Variants in AP3B2 observed in about 807,000 individuals in gnomAD.
AP3B2 encodes the protein AP-3 complex subunit beta-2.
In AP3B2, 50 loss-of-function variants were observed where a neutral mutation model predicts 126.9. That is an observed-to-expected ratio of 0.39 (90% CI 0.31 to 0.50). The LOEUF (loss-of-function observed/expected upper bound fraction) is 0.50. Among genes scored for constraint, AP3B2 ranks in the 20% least tolerant of loss-of-function variants. The pLI is 0.79. For missense variants in AP3B2, 1,177 were observed against 1,426.4 expected, an observed-to-expected ratio of 0.83 and a Z score of 2.82; for synonymous variants, 541 against 565.0, an observed-to-expected ratio of 0.96 and a Z score of 0.60.
chr15:82,679,745 T>G lies in AP3B2; in HGVS notation c.1166A>C (p.Gln389Pro). 6.2e-7 allele frequency: 1 copy of G among 1,613,856 alleles called. No individual in the cohort carries two copies. Among genetic ancestry groups the G allele is most frequent in the Non-Finnish European group, 8.5e-7 (1 of 1,179,790 alleles). The change falls in exon 10 of 27, where the codon CAG becomes CCG. Residue 389 changes from glutamine (Q) to proline (P), a missense_variant. Coordinates refer to ENST00000535359, the MANE Select transcript of AP3B2 (RefSeq NM_001278512.2). ...SFYIRSTDPT[Q>P]IKILKLEVLT... ...CTCACTCACCTTCAGGATCTTAATC[T>G]GGGTGGGGTCGGTGGACCTGATGTA...
chr15:82,683,436 G>A (rs1490337242), intron 4 of AP3B2, among the ~76,000 whole-genome samples: 1 of 152,154 alleles, frequency 6.6e-6, no homozygotes, highest in Non-Finnish European at 1.5e-5. Flanking sequence ...TCATGAGATT[G>A]CAGCAATTCA....
chr15:82,676,757 T>G, intron 13 of AP3B2, 120 bp from the exon 14 acceptor site: 1 of 1,004,434 alleles, frequency 1.0e-6, no homozygotes, highest in Non-Finnish European at 1.4e-6. Flanking sequence ...ATGGGTTCTC[T>G]GGAAATGGGA....
chr15:82,689,880 A>C (rs2048495588), intron 1 of AP3B2: 1 of 169,852 alleles, frequency 5.9e-6, no homozygotes, highest in African/African-American at 2.4e-5. Context: ...AGACGGGAGG[A>C]TCACTTGAGC....
intron 1 of AP3B2, chr15:82,692,327 A>G: frequency 1.7e-6 from 1 of 577,838 alleles, no homozygotes; most frequent in Non-Finnish European, 3.0e-6. Flanking sequence ...AAGGCTCACC[A>G]CGCAGATGCG....
At position 82,663,858 on chromosome 15, in the gene AP3B2, C is replaced by T. The variant is rs1284343563; in HGVS notation, c.2379G>A (p.Glu793=). ...GCTCCTCCTCGGACTCCGATGTCAT[C>T]TCGGACTCTGATGAGCTACTGCTGG... ...SDSSSSSSES[E]MTSESEEEQL... is the part of the protein sequence containing the mutation. The change falls in exon 20 of 27, where the codon GAG becomes GAA. Residue 793 remains glutamate (E), a synonymous_variant. Transcript: ENST00000535359. 1.2e-6 allele frequency: 2 copies of T among 1,613,954 alleles called. No individual in the cohort carries two copies. The highest frequency in any genetic ancestry group is 8.5e-7 in the Non-Finnish European group (1 of 1,179,876).
chr15:82,663,794 CT>C lies in AP3B2; in HGVS notation c.2436+6del. On this transcript the variant is annotated splice_donor_region_variant and intron_variant, in intron 20 of 26. Transcript: ENST00000535359. Reference sequence around the variant, plus strand: ...AGCACACCCTGACTCTGCCCCAAGGCTCTCACTGTTTTCCTGCTCCAGGAGG... The same window carrying C: ...AGCACACCCTGACTCTGCCCCAAGGCCTCACTGTTTTCCTGCTCCAGGAGG... The C allele has an allele frequency of 6.2e-7, 1 of 1,610,914 alleles. No individual in the cohort carries two copies. The highest frequency in any genetic ancestry group is 8.5e-7 in the Non-Finnish European group (1 of 1,178,156).
At chr15:82,682,041 CCCTT>C (rs1458377656) in intron 4 of AP3B2, among the ~76,000 whole-genome samples, 1 of 138,346 alleles carries the variant, frequency 7.2e-6, no homozygotes, top group Non-Finnish European at 1.5e-5. Flanking sequence ...GGGGTGTAGG[CCCTT>C]CCTTTTTTTT....
rs2048323852 is a variant in AP3B2 at position 82,680,716 on chromosome 15, C to A, written c.811G>T (p.Gly271Cys). Residue 271 changes from glycine to cysteine, a missense_variant, in exon 8 of 27, where the codon GGC (glycine) becomes TGC (cysteine). Physicochemically the swap from Gly to Cys is radical, Grantham distance 159. Coordinates refer to ENST00000535359, the MANE Select transcript of AP3B2 (RefSeq NM_001278512.2). The surrounding 1 kb of genome is among the most constrained non-coding windows in gnomAD (Gnocchi z 6.1). ...CCCTTGGCCTCGTCCTCCTCTGAGC[C>A]GTAGAAGGCTTTTTCCGCGTTCTCC... ...LEENAEKAFY[G>C]SEEDEAKGAG... 1 of 1,567,090 alleles carries A rather than the reference C, an allele frequency of 6.4e-7. No homozygotes were observed.
chr15:82,702,271 A>C (rs1466191393), intron 1 of AP3B2, among the ~76,000 whole-genome samples: 1 of 152,204 alleles, frequency 6.6e-6, no homozygotes, highest in Admixed American at 6.5e-5. Flanking sequence ...AGCTGGGCTC[A>C]ACATTAATTT....
At position 82,661,831 on chromosome 15, in the gene AP3B2, CCTT is replaced by C. The variant is rs779821021; in HGVS notation, c.3007_3009del (p.Lys1003del). On this transcript the variant is annotated inframe_deletion, in exon 25 of 27. Coordinates refer to ENST00000535359, the MANE Select transcript of AP3B2 (RefSeq NM_001278512.2). ...ACTCCCAGGGAGCACTCACCCTGTT[CCTT>C]CTTAAACTCATTTTCACTCATGAAC... 10 of 1,612,538 alleles carry C rather than the reference CCTT, an allele frequency of 6.2e-6. No individual in the cohort carries two copies. Among genetic ancestry groups the C allele is most frequent in the Non-Finnish European group, 7.6e-6 (9 of 1,179,306 alleles).
chr15:82,662,001 G>T, intron 24 of AP3B2, 79 bp from the exon 25 acceptor site: 1 of 1,419,284 alleles, frequency 7.0e-7, no homozygotes, highest in Non-Finnish European at 9.8e-7. Flanking sequence ...TAGAGGCACA[G>T]CTTGGAGGCA....
chr15:82,680,154 A>G lies in AP3B2; in HGVS notation c.1110+21T>C, dbSNP rs773161761. The G allele has an allele frequency of 6.2e-7, 1 of 1,612,794 alleles. No homozygotes were observed. Among genetic ancestry groups the G allele is most frequent in the Non-Finnish European group, 8.5e-7 (1 of 1,179,732 alleles). On this transcript the variant is annotated intron_variant, in intron 9 of 26. Coordinates refer to ENST00000535359, the MANE Select transcript of AP3B2 (RefSeq NM_001278512.2). This position sits in a 1 kb window ranked among gnomAD's most constrained non-coding sequence, Gnocchi z 6.1. ...GAAGCGGCCCTCGGACAGCGAGGACAGCCCGCCGTCGCAGGCTCACCCGGC... is the reference window on the plus strand; with the variant it reads ...GAAGCGGCCCTCGGACAGCGAGGACGGCCCGCCGTCGCAGGCTCACCCGGC...
rs536747285 is a variant in AP3B2, at chr15:82,684,663, T to A, written c.361-3083A>T. Among the ~76,000 whole-genome samples, 3 of 152,294 alleles carry A rather than the reference T, an allele frequency of 2.0e-5. No individual in the cohort carries two copies. The East Asian group carries it at 5.8e-4, about 29-fold the overall frequency. On this transcript the variant is annotated intron_variant, in intron 4 of 26. Transcript: ENST00000535359. ...CCAAGTAGCTAAGACTACAGGTGCG[T>A]ACCACCACATCAGGCTAACTTAAAA...
chr15:82,705,595 A>G (rs957807998), intron 1 of AP3B2, among the ~76,000 whole-genome samples: 3 of 152,180 alleles, frequency 2.0e-5, no homozygotes, highest in Non-Finnish European at 4.4e-5. Context: ...CAGGCTCAGC[A>G]AACTACCTAG....
In AP3B2 at chr15:82,659,304, C is replaced by G. The variant is rs1255288428; in HGVS notation, c.*256G>C. ...GCTAGAGAGAAGACATTTTATTGAG[C>G]CTGCTACATAAATAGCTACAGAAAT... On this transcript the variant is annotated 3_prime_UTR_variant, in exon 27 of 27. Coordinates refer to ENST00000535359, the MANE Select transcript of AP3B2 (RefSeq NM_001278512.2). 2 of 433,674 alleles carry G rather than the reference C, an allele frequency of 4.6e-6. No individual in the cohort carries two copies. Among genetic ancestry groups the G allele is most frequent in the Admixed American group, 3.8e-5 (1 of 26,100 alleles). The allele number at this position is 433,674 out of a possible 1,614,324, so 26.9% of individuals were successfully genotyped here.
intron 3 of AP3B2, 43 bp from the exon 4 acceptor site, chr15:82,688,874 C>A: frequency 6.6e-7 from 1 of 1,516,814 alleles, no homozygotes; most frequent in Non-Finnish European, 9.0e-7. Context: ...TCTCAGCAGG[C>A]ACCTGTGCCC....
At chr15:82,691,830 TTC>T in intron 1 of AP3B2, 5 of 1,385,700 alleles carry the variant, frequency 3.6e-6, no homozygotes, top group Non-Finnish European at 5.1e-6. Context: ...TAGCTGGTGC[TTC>T]TCTCAGGATA....
chr15:82,705,617 G>A (rs374409106), intron 1 of AP3B2, among the ~76,000 whole-genome samples: 13 of 152,096 alleles, frequency 8.5e-5, no homozygotes, highest in African/African-American at 1.9e-4. Flanking sequence ...CTGTACTGCC[G>A]CAAGGCTTCA....
Position 82,680,784 on chromosome 15 carries a change from G to A in AP3B2, c.772-29C>T. The A allele has an allele frequency of 1.2e-6, 2 of 1,604,484 alleles. No individual in the cohort carries two copies. Among genetic ancestry groups the A allele is most frequent in the Non-Finnish European group, 8.5e-7 (1 of 1,175,546 alleles). The stretch of plus-strand genomic sequence containing the variant: ...GACGGGGAGACCGACGGGTCTGTGG[G>A]CGCCTCCCCGGGACACACTTCGGCC... On this transcript the variant is annotated intron_variant, in intron 7 of 26. Transcript: ENST00000535359. The surrounding 1 kb of genome is among the most constrained non-coding windows in gnomAD (Gnocchi z 6.1).
Sources: gnomAD v4.1 joint callset for allele counts (sites outside exome capture counted in the v4.1 genomes callset) on GRCh38, gnomAD v4.1.1 for gene constraint, Gnocchi (gnomAD v3.1) non-coding constraint, MANE v1.5 for transcripts, NCBI Gene and HGNC (gene_info 2026-07-23, HGNC 2026-07-21) for gene names.